MTR: variants seen among roughly 807,000 people sequenced by gnomAD.
The protein encoded by MTR is 5-methyltetrahydrofolate-homocysteine methyltransferase.
A neutral mutation model predicts 154.8 loss-of-function variants in MTR; 84 were observed. The observed-to-expected ratio is 0.54, with a 90% CI of 0.45 to 0.65. The LOEUF is 0.65. Among genes scored for constraint, MTR ranks in the 30% least tolerant of loss-of-function variants. The pLI is 0.00. For missense variants in MTR, 1,275 were observed against 1,570.2 expected (o/e 0.81, Z 3.18); for synonymous variants, 554 against 553.9 (o/e 1.00, Z 0.00).
rs11799670 is a variant in MTR, at chr1:236,897,797, A to G, written c.*153A>G. On this transcript the variant is annotated 3_prime_UTR_variant, in exon 33 of 33. Transcript: ENST00000366577. ...CGAAGACTATTTAGTGGAACCTTGTAGAGGAGCAGGGTCTTCCTGCAGTGC... is the reference window on the plus strand; with the variant it reads ...CGAAGACTATTTAGTGGAACCTTGTGGAGGAGCAGGGTCTTCCTGCAGTGC... 32,044 of 702,588 alleles carry G rather than the reference A, an allele frequency of 0.046. 1,960 individuals carry two copies. The highest frequency in any genetic ancestry group is 0.2 in the African/African-American group (11,142 of 55,650). 43.5% of individuals were successfully genotyped at this position (702,588 alleles called of 1,614,324 possible). A position where few individuals can be genotyped will look rare whatever the true frequency, so the allele number is the denominator to read the frequency against.
chr1:236,871,259 C>T (rs1021752951), intron 22 of MTR, among the ~76,000 whole-genome samples: 3 of 151,978 alleles, frequency 2.0e-5, no homozygotes, highest in Admixed American at 6.6e-5. Flanking sequence ...TGAAAAGGCT[C>T]CCCTGGTGAT....
rs147974111 is a variant in MTR, at chr1:236,831,939, A to G, written c.1076-27A>G. ...ATGTCATCCATATGCATTTGCAGAAATTTTTCAAAATGCTTCTCCTTTTAA... is the reference window on the plus strand; with the variant it reads ...ATGTCATCCATATGCATTTGCAGAAGTTTTTCAAAATGCTTCTCCTTTTAA... On this transcript the variant is annotated intron_variant, in intron 12 of 32. Coordinates refer to ENST00000366577, the MANE Select transcript of MTR (RefSeq NM_000254.3). The G allele has an allele frequency of 1.2e-4, 195 of 1,576,940 alleles. 1 individual carries two copies. The East Asian group carries it at 4.0e-3, about 32-fold the overall frequency.
intron 25 of MTR, among the ~76,000 whole-genome samples, chr1:236,883,929 T>C (rs961552478): frequency 2.0e-5 from 3 of 152,220 alleles, no homozygotes; most frequent in African/African-American, 7.2e-5. Context: ...TGCTGGAGAA[T>C]GCAGGGATGG....
intron 9 of MTR, among the ~76,000 whole-genome samples, chr1:236,824,543 C>T (rs990425290): frequency 6.6e-6 from 1 of 152,182 alleles, no homozygotes; most frequent in Non-Finnish European, 1.5e-5. Context: ...ACCCCTTTCT[C>T]TGGTCCACTC....
rs771148004 is a variant in MTR, at chr1:236,819,986, G to A, written c.764+3443G>A. 5 of 1,143,130 alleles carry A rather than the reference G, an allele frequency of 4.4e-6. No individual in the cohort carries two copies. In the Middle Eastern group the frequency reaches 1.1e-3, roughly 257 times the overall value. The allele number at this position is 1,143,130 out of a possible 1,614,324, so 70.8% of individuals were successfully genotyped here. A position where few individuals can be genotyped will look rare whatever the true frequency, so the allele number is the denominator to read the frequency against. ...CTAACCAGATCCAGGCAGCCTTCCG[G>A]GAGCCATGGCTTCTTGTGGTTACTG... On this transcript the variant is annotated intron_variant, in intron 8 of 32. Transcript: ENST00000366577.
At chr1:236,821,023 T>G (rs891784282) in intron 8 of MTR, among the ~76,000 whole-genome samples, 21 of 152,252 alleles carry the variant, frequency 1.4e-4, no homozygotes, top group African/African-American at 4.3e-4. Flanking sequence ...GAATTCTTTG[T>G]ATATTTTGGA....
intron 26 of MTR, among the ~76,000 whole-genome samples, chr1:236,885,646 A>G (rs6657167): frequency 0.35 from 53,634 of 152,084 alleles, 10,267 homozygotes; most frequent in East Asian, 0.44. Flanking sequence ...TGACTGCCCA[A>G]CACTGACTGT....
chr1:236,797,374 G>A (rs1253968699), intron 1 of MTR, among the ~76,000 whole-genome samples: 1 of 152,162 alleles, frequency 6.6e-6, no homozygotes, highest in Admixed American at 6.5e-5. Flanking sequence ...TGTGCCCTGG[G>A]GAAGGAGGAT....
At chr1:236,851,875 C>G (rs913477148) in intron 16 of MTR, among the ~76,000 whole-genome samples, 2 of 152,032 alleles carry the variant, frequency 1.3e-5, no homozygotes, top group Non-Finnish European at 1.5e-5. Context: ...ATTAACTGTT[C>G]TATTGTTGAT....
intron 22 of MTR, among the ~76,000 whole-genome samples, chr1:236,863,812 C>G (rs1454274617): frequency 6.6e-6 from 1 of 152,106 alleles, no homozygotes; most frequent in East Asian, 1.9e-4. Context: ...GGAAACCGTC[C>G]AGAGGATTCC....
chr1:236,817,628 G>A (rs745894932), intron 8 of MTR, among the ~76,000 whole-genome samples: 1 of 152,126 alleles, frequency 6.6e-6, no homozygotes, highest in Non-Finnish European at 1.5e-5. Context: ...CTCGCCCAAG[G>A]TGAAGTAAAT....
intron 13 of MTR, 52 bp downstream of exon 13, chr1:236,832,130 C>G (rs771104345): frequency 2.2e-6 from 3 of 1,389,050 alleles, no homozygotes; most frequent in African/African-American, 2.8e-5. Flanking sequence ...TTTGGCTAGA[C>G]AGCATGTAAA....
At chr1:236,831,783 C>T (rs973828304) in intron 12 of MTR, among the ~76,000 whole-genome samples, 183 bp from the exon 13 acceptor site, 1 of 152,192 alleles carries the variant, frequency 6.6e-6, no homozygotes, top group African/African-American at 2.4e-5. Context: ...TAACAAATAG[C>T]CTTTACTGCA....
rs1241428154 is a variant in MTR, at chr1:236,900,223, T to A, written c.*2579T>A. On this transcript the variant is annotated 3_prime_UTR_variant, in exon 33 of 33. Coordinates refer to ENST00000366577, the MANE Select transcript of MTR (RefSeq NM_000254.3). ...ATATATATATTCATTCTACGGGATA[T>A]TATTCAGTAGTGGAAATGAGTGAAC... 5.9e-6 allele frequency: 2 copies of A among 341,674 alleles called. No individual in the cohort carries two copies. Among genetic ancestry groups the A allele is most frequent in the Admixed American group, 6.9e-5 (2 of 28,874 alleles). The allele number at this position is 341,674 out of a possible 1,614,324, so 21.2% of individuals were successfully genotyped here.
chr1:236,888,594 C>G (rs1666146914), intron 27 of MTR, among the ~76,000 whole-genome samples: 1 of 152,200 alleles, frequency 6.6e-6, no homozygotes, highest in Non-Finnish European at 1.5e-5. Context: ...CTTTTCCTTG[C>G]TCATACATCT....
intron 18 of MTR, among the ~76,000 whole-genome samples, chr1:236,857,533 C>T (rs147000026): frequency 3.3e-5 from 5 of 152,356 alleles, no homozygotes; most frequent in African/African-American, 7.2e-5. Flanking sequence ...GTCTTGGCCT[C>T]TACCACCCTG....
At chr1:236,802,755 C>T (rs999960208) in intron 1 of MTR, among the ~76,000 whole-genome samples, 1 of 152,038 alleles carries the variant, frequency 6.6e-6, no homozygotes, top group Admixed American at 6.6e-5. Flanking sequence ...CCAAAGGAGG[C>T]TGAACGTTGC....
chr1:236,795,313 G>C lies in MTR; in HGVS notation c.-391G>C, dbSNP rs1660299319. The C allele has an allele frequency of 8.1e-7, 1 of 1,236,218 alleles. No individual in the cohort carries two copies. Among genetic ancestry groups the C allele is most frequent in the Non-Finnish European group, 1.0e-6 (1 of 964,802 alleles). The allele number at this position is 1,236,218 out of a possible 1,614,324, so 76.6% of individuals were successfully genotyped here. On this transcript the variant is annotated 5_prime_UTR_variant, in exon 1 of 33. Coordinates refer to ENST00000366577, the MANE Select transcript of MTR (RefSeq NM_000254.3). ...GCGCAGAACTAACCGCGCTCTGAAAGGTTCTAAATGTCTGCGGGGCTCAGA... is the reference window on the plus strand; with the variant it reads ...GCGCAGAACTAACCGCGCTCTGAAACGTTCTAAATGTCTGCGGGGCTCAGA...
intron 13 of MTR, among the ~76,000 whole-genome samples, chr1:236,833,442 T>C (rs1662729951): frequency 6.6e-6 from 1 of 152,256 alleles, no homozygotes; most frequent in African/African-American, 2.4e-5. Context: ...AGATAGGTAC[T>C]GTGGTTATCC....
Sources: allele counts gnomAD v4.1 joint callset (sites outside exome capture counted in the v4.1 genomes callset), GRCh38; gene constraint gnomAD v4.1.1; transcripts MANE v1.5; gene names NCBI Gene and HGNC (gene_info 2026-07-23, HGNC 2026-07-21).